The following ERBB4 variants were observed in gnomAD, a reference collection of about 807,000 sequenced individuals.
ERBB4 encodes the protein erb-b2 receptor tyrosine kinase 4.
A neutral mutation model predicts 158.0 loss-of-function variants in ERBB4; 42 were observed. That is an observed-to-expected ratio of 0.27 (90% confidence interval 0.21 to 0.34). The LOEUF (loss-of-function observed/expected upper bound fraction) is 0.34. ERBB4 is among the 10% of genes least tolerant of loss of function. The pLI is 1.00. For synonymous variants in ERBB4, 583 were observed against 558.7 expected (o/e 1.04, Z -0.61); for missense variants, 1,333 against 1,624.1 (o/e 0.82, Z 3.08).
At chr2:211,641,095 C>G (rs1430863699) in intron 16 of ERBB4, among the ~76,000 whole-genome samples, 1 of 152,078 alleles carries the variant, frequency 6.6e-6, no homozygotes, top group African/African-American at 2.4e-5. Context: ...TTTCAAGACC[C>G]ATACCTGTTG....
chr2:212,510,723 T>A (rs1379248902), intron 1 of ERBB4, among the ~76,000 whole-genome samples: 1 of 152,066 alleles, frequency 6.6e-6, no homozygotes, highest in East Asian at 1.9e-4. Flanking sequence ...CTATCAATTT[T>A]CAACATATAA....
chr2:211,398,532 T>C (rs568518461), intron 25 of ERBB4, among the ~76,000 whole-genome samples: 27 of 152,194 alleles, frequency 1.8e-4, no homozygotes, highest in African/African-American at 6.3e-4. Flanking sequence ...TACTCATACT[T>C]CCTTCCCCTG....
intron 15 of ERBB4, among the ~76,000 whole-genome samples, chr2:211,665,086 G>C (rs1012743227): frequency 3.9e-5 from 6 of 152,168 alleles, no homozygotes; most frequent in Admixed American, 2.0e-4. Flanking sequence ...ACACTAGCTA[G>C]CTTCATGAAG....
chr2:212,142,026 G>T (rs757979717), intron 1 of ERBB4, among the ~76,000 whole-genome samples: 14 of 151,962 alleles, frequency 9.2e-5, no homozygotes, highest in Non-Finnish European at 2.1e-4. Flanking sequence ...TCATCTCCTA[G>T]GATGTTTCAC....
chr2:212,380,234 T>C lies in ERBB4; in HGVS notation c.82+158215A>G, dbSNP rs562356641. Reference sequence around the variant, plus strand: ...TTCAGGGGAAAAAATGTGTCTGTACTGAATATGTACAGTCTTCTATTTCTT... The same window carrying C: ...TTCAGGGGAAAAAATGTGTCTGTACCGAATATGTACAGTCTTCTATTTCTT... On this transcript the variant is annotated intron_variant, in intron 1 of 27. Transcript: ENST00000342788. Among the ~76,000 whole-genome samples the C allele has an allele frequency of 6.6e-5, 10 of 151,548 alleles. No individual in the cohort carries two copies. In the South Asian group the frequency reaches 2.1e-3, roughly 31 times the overall value.
intron 19 of ERBB4, among the ~76,000 whole-genome samples, chr2:211,576,270 C>T (rs774627479): frequency 1.3e-5 from 2 of 152,094 alleles, no homozygotes; most frequent in Non-Finnish European, 2.9e-5. Context: ...TAGACGCACA[C>T]TGTGAGAGGG....
intron 5 of ERBB4, among the ~76,000 whole-genome samples, chr2:211,745,564 A>G (rs1157864705): frequency 6.6e-6 from 1 of 152,134 alleles, no homozygotes; most frequent in Non-Finnish European, 1.5e-5. Flanking sequence ...TCATTCATTC[A>G]GATTTAAATT....
At chr2:211,662,964 G>T (rs2071487766) in intron 15 of ERBB4, among the ~76,000 whole-genome samples, 1 of 152,156 alleles carries the variant, frequency 6.6e-6, no homozygotes, top group African/African-American at 2.4e-5. Context: ...CACACTTACT[G>T]ATAGGTCGAT....
At chr2:212,341,225 T>TAGG in intron 1 of ERBB4, among the ~76,000 whole-genome samples, 1 of 151,744 alleles carries the variant, frequency 6.6e-6, no homozygotes, top group Middle Eastern at 3.2e-3. Context: ...TATATAAAAA[T>TAGG]ATAAGTATTA....
At chr2:211,402,322 C>G (rs1387720324) in intron 25 of ERBB4, among the ~76,000 whole-genome samples, 1 of 151,990 alleles carries the variant, frequency 6.6e-6, no homozygotes, top group African/African-American at 2.4e-5. Flanking sequence ...AGCTTCAATT[C>G]TGGTGAAGAA....
intron 1 of ERBB4, among the ~76,000 whole-genome samples, chr2:212,415,135 G>A (rs143852102): frequency 1.3e-5 from 2 of 152,094 alleles, no homozygotes; most frequent in East Asian, 1.9e-4. Flanking sequence ...CTTGTCAAAC[G>A]TCACTTACGT....
intron 2 of ERBB4, among the ~76,000 whole-genome samples, chr2:211,976,563 T>C (rs2081611245): frequency 6.6e-6 from 1 of 152,154 alleles, no homozygotes; most frequent in East Asian, 1.9e-4. Flanking sequence ...GCTTCACTGC[T>C]ATGAAATTTA....
At chr2:212,518,027 T>G (rs1380706428) in intron 1 of ERBB4, among the ~76,000 whole-genome samples, 1 of 152,080 alleles carries the variant, frequency 6.6e-6, no homozygotes, top group East Asian at 1.9e-4. Flanking sequence ...CTTAGAAAAC[T>G]CCAAAGTGTT....
intron 3 of ERBB4, among the ~76,000 whole-genome samples, chr2:211,810,061 G>A (rs2076713487): frequency 6.6e-6 from 1 of 152,190 alleles, no homozygotes; most frequent in Non-Finnish European, 1.5e-5. Flanking sequence ...GAGATAGTTT[G>A]TTGTGATTTC....
At chr2:212,185,518 A>G (rs906065967) in intron 1 of ERBB4, among the ~76,000 whole-genome samples, 1 of 152,166 alleles carries the variant, frequency 6.6e-6, no homozygotes, top group African/African-American at 2.4e-5. Context: ...TTAACACGTA[A>G]GTACTTCAGA....
intron 1 of ERBB4, among the ~76,000 whole-genome samples, chr2:212,179,387 A>G (rs1414057064): frequency 6.6e-6 from 1 of 151,050 alleles, no homozygotes; most frequent in African/African-American, 2.4e-5. Context: ...GAGTACTCCA[A>G]ACAAATAGTA....
rs1378483149 is a variant in ERBB4, at chr2:211,773,624, ATATATATAT to A, written c.556+14392_556+14400del. ...TATATATATATATATATATATATAT[ATATATATAT>A]ATATATATATATATAATATATATAC... On this transcript the variant is annotated intron_variant, in intron 4 of 27. Coordinates refer to ENST00000342788, the MANE Select transcript of ERBB4 (RefSeq NM_005235.3). 4.6e-4 allele frequency among the ~76,000 whole-genome samples: 34 copies of A among 73,938 alleles called. 2 individuals carry two copies. Among genetic ancestry groups the A allele is most frequent in the African/African-American group, 1.9e-3 (33 of 16,940 alleles). 48.5% of individuals were successfully genotyped at this position (73,938 alleles called of 152,430 possible). A position where few individuals can be genotyped will look rare whatever the true frequency, so the allele number is the denominator to read the frequency against.
chr2:211,679,223 A>G (rs780462862), intron 12 of ERBB4, 39 bp from the exon 13 acceptor site: 2 of 1,609,762 alleles, frequency 1.2e-6, no homozygotes, highest in Non-Finnish European at 1.7e-6. Flanking sequence ...AAAACAGAGG[A>G]TTGTGTCAAA....
At chr2:211,472,154 T>C (rs1057182042) in intron 20 of ERBB4, among the ~76,000 whole-genome samples, 4 of 152,014 alleles carry the variant, frequency 2.6e-5, no homozygotes, top group African/African-American at 9.7e-5. Context: ...GTGTGAAGGT[T>C]GTTGCAGCAT....
Sources: allele counts gnomAD v4.1 joint callset (sites outside exome capture counted in the v4.1 genomes callset), GRCh38; gene constraint gnomAD v4.1.1; transcripts MANE v1.5; gene names NCBI Gene and HGNC (gene_info 2026-07-23, HGNC 2026-07-21).